The following GRIA3 variants were observed in gnomAD, a reference collection of about 807,000 sequenced individuals.
GRIA3 encodes glutamate ionotropic receptor AMPA type subunit 3.
Under a neutral mutation model 63.0 loss-of-function variants are expected in GRIA3, and 3 were observed. The ratio of observed to expected loss-of-function variants is 0.05; its 90% CI spans 0.02 to 0.12. The LOEUF (loss-of-function observed/expected upper bound fraction) is 0.12, where lower values mean the gene tolerates loss of function less well. GRIA3 is among the 10% of genes least tolerant of loss of function. The pLI is 1.00. For missense variants in GRIA3, 347 were observed against 700.9 expected (o/e 0.50, Z 5.70); for synonymous variants, 274 against 257.9 (o/e 1.06, Z -0.60).
At chrX:123,368,975 C>T (rs2045230751) in intron 5 of GRIA3, among the ~76,000 whole-genome samples, 2 of 111,093 alleles carry the variant, frequency 1.8e-5, no homozygotes, top group African/African-American at 6.6e-5. Flanking sequence ...TTAAAGAAAA[C>T]AGGGGATCAA....
At chrX:123,338,395 C>T (rs747886578) in intron 4 of GRIA3, among the ~76,000 whole-genome samples, 2 of 112,122 alleles carry the variant, frequency 1.8e-5, no homozygotes, top group Admixed American at 9.4e-5. Context: ...TGCTAAACTA[C>T]AGCCAGTAAT....
intron 11 of GRIA3, among the ~76,000 whole-genome samples, chrX:123,424,812 G>C (rs1320525744): frequency 2.7e-5 from 3 of 111,758 alleles, no homozygotes; most frequent in African/African-American, 9.7e-5. Flanking sequence ...TGATGTGCAG[G>C]CTTGATTTTA....
chrX:123,293,689 G>C (rs192241621), intron 3 of GRIA3, among the ~76,000 whole-genome samples: 8 of 110,287 alleles, frequency 7.3e-5, no homozygotes, highest in African/African-American at 2.6e-4. Flanking sequence ...GGCTGTGAAA[G>C]TGCAAAGCGA....
chrX:123,196,941 C>T (rs1927590516), intron 2 of GRIA3, among the ~76,000 whole-genome samples: 1 of 111,968 alleles, frequency 8.9e-6, no homozygotes, highest in South Asian at 3.7e-4. Context: ...CTAACTGACC[C>T]ATATATACAC....
At chrX:123,368,780 C>CA (rs58125026) in intron 5 of GRIA3, among the ~76,000 whole-genome samples, 17,179 of 85,926 alleles carry the variant, frequency 0.2, 1,544 homozygotes, top group African/African-American at 0.34. Flanking sequence ...GATCATAATA[C>CA]AAAAAAAAAA....
intron 3 of GRIA3, among the ~76,000 whole-genome samples, chrX:123,258,881 A>C (rs1014246118): frequency 7.1e-5 from 8 of 112,264 alleles, no homozygotes; most frequent in Non-Finnish European, 1.3e-4. Context: ...ACAGGAACAT[A>C]GGCAGTTGTA....
chrX:123,365,271 AGAAAG>A (rs1337125286), intron 5 of GRIA3, among the ~76,000 whole-genome samples: 1 of 111,768 alleles, frequency 8.9e-6, no homozygotes, highest in Non-Finnish European at 1.9e-5. Context: ...TAAAAAAGAA[AGAAAG>A]GAAAGAAAAG....
At chrX:123,397,374 C>A (rs183644954) in intron 6 of GRIA3, among the ~76,000 whole-genome samples, 173 of 111,710 alleles carry the variant, frequency 1.5e-3, no homozygotes, top group African/African-American at 5.4e-3. Flanking sequence ...ACTCTATAAA[C>A]ATTTTCTTTT....
At chrX:123,397,986 G>A in intron 6 of GRIA3, among the ~76,000 whole-genome samples, 1 of 111,746 alleles carries the variant, frequency 8.9e-6, no homozygotes, top group African/African-American at 3.2e-5. Flanking sequence ...TGCAAGAGGT[G>A]GCATCATGAA....
At chrX:123,311,910 G>A (rs1387975191) in intron 3 of GRIA3, among the ~76,000 whole-genome samples, 1 of 112,176 alleles carries the variant, frequency 8.9e-6, no homozygotes, top group Non-Finnish European at 1.9e-5. Flanking sequence ...CTGATGGGGG[G>A]AAGAAATAAG....
At chrX:123,248,619 C>G (rs1168142866) in intron 2 of GRIA3, among the ~76,000 whole-genome samples, 1 of 110,632 alleles carries the variant, frequency 9.0e-6, no homozygotes, top group East Asian at 2.9e-4. Flanking sequence ...AACCTCGTCT[C>G]TACTAAATAT....
intron 2 of GRIA3, among the ~76,000 whole-genome samples, chrX:123,192,432 G>A (rs968697004): frequency 6.3e-5 from 7 of 111,303 alleles, no homozygotes; most frequent in South Asian, 3.8e-4. Flanking sequence ...CCCTCTCACC[G>A]TCACTAAATA....
intron 3 of GRIA3, among the ~76,000 whole-genome samples, chrX:123,287,816 A>T (rs1221630073): frequency 8.9e-6 from 1 of 112,060 alleles, no homozygotes; most frequent in African/African-American, 3.2e-5. Context: ...GAAAGAATCA[A>T]TATCGTGAAA....
chrX:123,369,602 G>A (rs770505113), intron 5 of GRIA3, among the ~76,000 whole-genome samples: 2 of 112,269 alleles, frequency 1.8e-5, no homozygotes, highest in East Asian at 5.6e-4. Flanking sequence ...AAAGAAAACA[G>A]AATATATTTT....
intron 12 of GRIA3, among the ~76,000 whole-genome samples, chrX:123,440,327 G>T (rs906919372): frequency 8.9e-6 from 1 of 112,385 alleles, no homozygotes; most frequent in Non-Finnish European, 1.9e-5. Flanking sequence ...TGGGATTGTG[G>T]AGTCAAATGG....
chrX:123,200,283 CAACA>C (rs755131629), intron 2 of GRIA3, among the ~76,000 whole-genome samples: 1 of 109,650 alleles, frequency 9.1e-6, no homozygotes, highest in African/African-American at 3.3e-5. Flanking sequence ...TGCTCATTGT[CAACA>C]AACAAAAAAC....
chrX:123,207,168 A>G (rs1927912184), intron 2 of GRIA3, among the ~76,000 whole-genome samples: 1 of 55,360 alleles, frequency 1.8e-5, no homozygotes. Flanking sequence ...TAATTTGCAA[A>G]AAAAAAAAAA....
At chrX:123,355,385 G>C (rs150776635) in intron 5 of GRIA3, among the ~76,000 whole-genome samples, 1,543 of 111,914 alleles carry the variant, frequency 0.014, 18 homozygotes, top group Non-Finnish European at 0.021. Context: ...GCAGATGTCA[G>C]AGTAGGTTTC....
At chrX:123,432,905 A>C (rs1158488564) in intron 12 of GRIA3, among the ~76,000 whole-genome samples, 2 of 111,751 alleles carry the variant, frequency 1.8e-5, no homozygotes, top group African/African-American at 6.5e-5. Context: ...ACAGGGGGGA[A>C]AAATGCCACC....
Sources: allele counts gnomAD v4.1 joint callset (sites outside exome capture counted in the v4.1 genomes callset), GRCh38; gene constraint gnomAD v4.1.1; transcripts MANE v1.5; gene names NCBI Gene and HGNC (gene_info 2026-07-23, HGNC 2026-07-21).